PTER: variants seen among roughly 807,000 people sequenced by gnomAD.
PTER encodes N-acetyltaurine hydrolase.
A neutral mutation model predicts 29.6 loss-of-function variants in PTER; 38 were observed. The ratio of observed to expected loss-of-function variants is 1.28; its 90% CI spans 0.99 to 1.68. The LOEUF is 1.68. Ranked by LOEUF, PTER falls within the 40% of genes most tolerant of loss-of-function variation. The pLI, the probability that PTER is intolerant of heterozygous loss-of-function variation, is 0.00. For synonymous variants in PTER, 172 were observed against 154.5 expected (o/e 1.11, Z -0.84); for missense variants, 482 against 427.8 (o/e 1.13, Z -1.12).
At chr10:16,515,475 C>G (rs967268135), downstream of PTER, among the ~76,000 whole-genome samples, 2 of 152,104 alleles carry the variant, frequency 1.3e-5, no homozygotes, top group African/African-American at 4.8e-5. Context: ...TGCTCTGAGG[C>G]CTCTCAAGTT....
chr10:16,441,128 G>A (rs1229842541), intron 1 of PTER, among the ~76,000 whole-genome samples: 1 of 152,234 alleles, frequency 6.6e-6, no homozygotes, highest in Non-Finnish European at 1.5e-5. Context: ...ATGTTAAAGT[G>A]TAAAATAGGT....
At chr10:16,509,663 A>C (rs867712085) in intron 4 of PTER, among the ~76,000 whole-genome samples, 7 of 152,220 alleles carry the variant, frequency 4.6e-5, no homozygotes, top group Non-Finnish European at 8.8e-5. Flanking sequence ...TTTATGTGAT[A>C]ATATAACTTA....
chr10:16,463,870 G>T (rs1459120784), intron 1 of PTER, among the ~76,000 whole-genome samples: 1 of 152,174 alleles, frequency 6.6e-6, no homozygotes, highest in Non-Finnish European at 1.5e-5. Flanking sequence ...TCTGCCTTTA[G>T]TGAAAGTGGA....
At chr10:16,458,275 C>T (rs962906402) in intron 1 of PTER, among the ~76,000 whole-genome samples, 1 of 151,846 alleles carries the variant, frequency 6.6e-6, no homozygotes, top group Non-Finnish European at 1.5e-5. Flanking sequence ...CACAATTAAT[C>T]TTATGTGGTA....
downstream of PTER, among the ~76,000 whole-genome samples, chr10:16,517,526 T>C (rs556350301): frequency 2.6e-5 from 4 of 152,234 alleles, no homozygotes; most frequent in Non-Finnish European, 5.9e-5. Flanking sequence ...CTTCATGTTT[T>C]CTGCTAAAAG....
chr10:16,468,535 T>C (rs531058940), intron 1 of PTER, among the ~76,000 whole-genome samples: 2 of 152,296 alleles, frequency 1.3e-5, no homozygotes, highest in East Asian at 3.9e-4. Context: ...TCAAACCCTT[T>C]GTGGATAAAG....
chr10:16,511,324 A>C lies in PTER; in HGVS notation c.*68A>C. The C allele has an allele frequency of 7.3e-7, 1 of 1,364,694 alleles. No individual in the cohort carries two copies. Among genetic ancestry groups the C allele is most frequent in the Non-Finnish European group, 1.0e-6 (1 of 960,698 alleles). The allele number at this position is 1,364,694 out of a possible 1,614,324, so 84.5% of individuals were successfully genotyped here. A position where few individuals can be genotyped will look rare whatever the true frequency, so the allele number is the denominator to read the frequency against. On this transcript the variant is annotated 3_prime_UTR_variant, in exon 5 of 5. Coordinates refer to ENST00000535784, the MANE Select transcript of PTER (RefSeq NM_001261836.2). ...GAGAACATTCAGCGATTTCCAGTCC[A>C]CTGTGAGATATTAATCAGTTACCTA... is the stretch of plus-strand genomic sequence containing the variant.
chr10:16,441,249 A>G (rs1833839615), intron 1 of PTER, among the ~76,000 whole-genome samples: 1 of 152,238 alleles, frequency 6.6e-6, no homozygotes, highest in Admixed American at 6.5e-5. Flanking sequence ...TTTCCAATAC[A>G]GAGGAATGTT....
At chr10:16,478,877 A>C (rs1474598541) in intron 1 of PTER, among the ~76,000 whole-genome samples, 2 of 152,132 alleles carry the variant, frequency 1.3e-5, no homozygotes, top group African/African-American at 4.8e-5. Flanking sequence ...GGATTTACTT[A>C]CCAGTTTAAG....
chr10:16,481,690 G>A (rs1024926515), intron 1 of PTER, among the ~76,000 whole-genome samples: 2 of 151,998 alleles, frequency 1.3e-5, no homozygotes, highest in Non-Finnish European at 2.9e-5. Context: ...AGCTTGAAAC[G>A]TACCAACATT....
At chr10:16,477,258 C>CGATAGATA (rs56294482) in intron 1 of PTER, among the ~76,000 whole-genome samples, 38,366 of 147,814 alleles carry the variant, frequency 0.26, 5,073 homozygotes, top group Middle Eastern at 0.31. Flanking sequence ...TTCTGTCTTT[C>CGATAGATA]GATAGATAGA....
intron 3 of PTER, among the ~76,000 whole-genome samples, chr10:16,500,884 G>A (rs1195739802): frequency 6.6e-6 from 1 of 151,932 alleles, no homozygotes; most frequent in East Asian, 1.9e-4. Flanking sequence ...GGGACCACAG[G>A]CGTGAGCCAC....
At chr10:16,469,112 A>C (rs74671267) in intron 1 of PTER, among the ~76,000 whole-genome samples, 55 of 152,294 alleles carry the variant, frequency 3.6e-4, no homozygotes, top group African/African-American at 1.2e-3. Context: ...ACAATCTTCT[A>C]GTTAGGAAGA....
chr10:16,485,360 G>T (rs1835654656), intron 2 of PTER, among the ~76,000 whole-genome samples: 1 of 152,308 alleles, frequency 6.6e-6, no homozygotes, highest in East Asian at 1.9e-4. Context: ...ATGGTCTTAA[G>T]AATGGGCAGA....
intron 1 of PTER, among the ~76,000 whole-genome samples, chr10:16,474,025 G>A (rs1835162056): frequency 1.3e-5 from 2 of 152,184 alleles, no homozygotes; most frequent in African/African-American, 4.8e-5. Flanking sequence ...AGACCAGCCT[G>A]GCCAACACAG....
intron 1 of PTER, among the ~76,000 whole-genome samples, chr10:16,445,820 T>A (rs1268656244): frequency 6.6e-6 from 1 of 152,048 alleles, no homozygotes; most frequent in Non-Finnish European, 1.5e-5. Context: ...TCCTGGGTGG[T>A]CTTCAGAGGA....
intron 3 of PTER, among the ~76,000 whole-genome samples, chr10:16,496,891 A>C (rs1836126644): frequency 6.6e-6 from 1 of 151,634 alleles, no homozygotes; most frequent in Non-Finnish European, 1.5e-5. Flanking sequence ...ATATTCAGGA[A>C]CAGCAAGCTC....
intron 1 of PTER, among the ~76,000 whole-genome samples, chr10:16,457,985 T>G (rs1312969004): frequency 6.6e-6 from 1 of 152,248 alleles, no homozygotes; most frequent in Non-Finnish European, 1.5e-5. Context: ...ATAAACCTGA[T>G]TAAATTGCAA....
At chr10:16,495,901 A>G (rs1408461663) in intron 3 of PTER, among the ~76,000 whole-genome samples, 1 of 152,202 alleles carries the variant, frequency 6.6e-6, no homozygotes, top group Non-Finnish European at 1.5e-5. Flanking sequence ...TCACCAGTCT[A>G]TTGTGAGTTT....
Sources: allele counts gnomAD v4.1 joint callset (sites outside exome capture counted in the v4.1 genomes callset), GRCh38; gene constraint gnomAD v4.1.1; transcripts MANE v1.5; gene names NCBI Gene and HGNC (gene_info 2026-07-23, HGNC 2026-07-21).